The following CBFA2T3 variants were observed in gnomAD, a reference collection of about 807,000 sequenced individuals.
The protein encoded by CBFA2T3 is transcriptional corepressor CBFA2T3.
A neutral mutation model predicts 58.6 loss-of-function variants in CBFA2T3; 31 were observed. That is an observed-to-expected ratio of 0.53 (90% CI 0.40 to 0.71). The LOEUF (loss-of-function observed/expected upper bound fraction) is 0.71. CBFA2T3 is among the 30% of genes least tolerant of loss of function. The pLI is 0.00. For synonymous variants in CBFA2T3, 531 were observed against 421.9 expected (o/e 1.26, Z -3.17); for missense variants, 1,076 against 963.1 (o/e 1.12, Z -1.55).
chr16:88,922,758 C>T (rs915768227), intron 1 of CBFA2T3, among the ~76,000 whole-genome samples: 8 of 152,254 alleles, frequency 5.3e-5, no homozygotes, highest in Non-Finnish European at 7.3e-5. Context: ...ATCCCGACCT[C>T]GGAGACGGTG....
intron 1 of CBFA2T3, among the ~76,000 whole-genome samples, chr16:88,923,586 G>A (rs953942520): frequency 7.2e-5 from 11 of 152,182 alleles, no homozygotes; most frequent in Non-Finnish European, 1.5e-4. Context: ...GGCAGCTGGG[G>A]AGCAGCTGGG....
intron 1 of CBFA2T3, among the ~76,000 whole-genome samples, chr16:88,963,206 T>C (rs1972411144): frequency 7.9e-6 from 1 of 126,694 alleles, no homozygotes; most frequent in Non-Finnish European, 1.7e-5. Context: ...GTAAGGAGTT[T>C]CTACCAAAGT....
intron 1 of CBFA2T3, among the ~76,000 whole-genome samples, chr16:88,915,465 G>A (rs1245744152): frequency 1.2e-4 from 1 of 8,318 alleles, no homozygotes; most frequent in South Asian, 2.9e-3. Context: ...AGGGGAGAGT[G>A]GAGGGGGCAG....
Position 88,942,545 on chromosome 16 carries a change from A to C in CBFA2T3, c.151+34112T>G, listed in dbSNP as rs545945476. Among the ~76,000 whole-genome samples, 265 of 151,534 alleles carry C rather than the reference A, an allele frequency of 1.7e-3. 2 individuals carry two copies. The highest frequency in any genetic ancestry group is 5.8e-3 in the African/African-American group (238 of 41,254). ...TCGTCCCTCTCATGGACTTGGCTCTACCCACCTGAGCTGGCAGAGGAAGGG... is the reference window on the plus strand; with the variant it reads ...TCGTCCCTCTCATGGACTTGGCTCTCCCCACCTGAGCTGGCAGAGGAAGGG... On this transcript the variant is annotated intron_variant, in intron 1 of 11. Transcript: ENST00000268679.
At chr16:88,955,918 CA>C (rs1972207084) in intron 1 of CBFA2T3, among the ~76,000 whole-genome samples, 1 of 149,238 alleles carries the variant, frequency 6.7e-6, no homozygotes, top group African/African-American at 2.5e-5. Context: ...CTCCTGACCC[CA>C]GCCAAGGCTC....
intron 1 of CBFA2T3, among the ~76,000 whole-genome samples, chr16:88,936,532 C>T (rs1330239405): frequency 1.3e-5 from 2 of 152,160 alleles, no homozygotes; most frequent in African/African-American, 2.4e-5. Context: ...CGACCTCAGC[C>T]TCAGGGGCAG....
chr16:88,946,282 C>T (rs1445020403), intron 1 of CBFA2T3, among the ~76,000 whole-genome samples: 2 of 151,578 alleles, frequency 1.3e-5, no homozygotes, highest in South Asian at 2.1e-4. Flanking sequence ...CACTGCACTC[C>T]ACCCTGGGCA....
chr16:88,917,324 C>T (rs1442816522), intron 1 of CBFA2T3, among the ~76,000 whole-genome samples: 5 of 152,100 alleles, frequency 3.3e-5, no homozygotes, highest in African/African-American at 9.7e-5. Flanking sequence ...GAACTGGCAC[C>T]GTGGGAGAAA....
intron 1 of CBFA2T3, among the ~76,000 whole-genome samples, chr16:88,924,857 T>C (rs1435167699): frequency 2.0e-5 from 3 of 152,188 alleles, no homozygotes; most frequent in Non-Finnish European, 2.9e-5. Context: ...TTCGGGCTGA[T>C]GGAGGCCGCT....
intron 2 of CBFA2T3, among the ~76,000 whole-genome samples, chr16:88,900,099 G>A (rs1198769183): frequency 6.6e-6 from 1 of 152,176 alleles, no homozygotes; most frequent in Non-Finnish European, 1.5e-5. Context: ...CGCTGGGCCC[G>A]CCGTCCCCCA....
chr16:88,893,832 C>A (rs1234076653), intron 3 of CBFA2T3, among the ~76,000 whole-genome samples: 1 of 152,176 alleles, frequency 6.6e-6, no homozygotes, highest in Non-Finnish European at 1.5e-5. Flanking sequence ...GCCAGCGCAC[C>A]CCTCCTGCGC....
chr16:88,929,999 T>C (rs944464141), intron 1 of CBFA2T3, among the ~76,000 whole-genome samples: 1 of 145,104 alleles, frequency 6.9e-6, no homozygotes, highest in Non-Finnish European at 1.5e-5. Flanking sequence ...ACGCAAAAGC[T>C]ACCAATACCC....
chr16:88,913,924 C>CTCCTGGGCACAGAACCTGCAGAAT lies in CBFA2T3; in HGVS notation c.152-12269_152-12268insATTCTGCAGGTTCTGTGCCCAGGA, dbSNP rs1320629523. ...CACAGCTGCTGGAATAGCCGGCTCA[C>CTCCTGGGCACAGAACCTGCAGAAT]TCCTGGGCACAGAACCTGCAGAAGA... On this transcript the variant is annotated intron_variant, in intron 1 of 11. Transcript: ENST00000268679. 9.2e-5 allele frequency among the ~76,000 whole-genome samples: 14 copies of CTCCTGGGCACAGAACCTGCAGAAT among 152,242 alleles called. 1 individual carries two copies. In the East Asian group the frequency reaches 1.2e-3, roughly 13 times the overall value.
Position 88,916,624 on chromosome 16 carries a change from C to T in CBFA2T3, c.152-14968G>A, listed in dbSNP as rs563112248. The stretch of plus-strand genomic sequence containing the variant: ...AGAGCTTCTCTGGAAGGAAGAAGGG[C>T]GGCCCCTGGGGAGAGGTGGGTGGGC... On this transcript the variant is annotated intron_variant, in intron 1 of 11. Coordinates refer to ENST00000268679, the MANE Select transcript of CBFA2T3 (RefSeq NM_005187.6). Among the ~76,000 whole-genome samples the T allele has an allele frequency of 1.9e-3, 126 of 66,832 alleles. 2 individuals are homozygous for T. The South Asian group carries it at 0.031, about 16-fold the overall frequency. 43.8% of individuals were successfully genotyped at this position (66,832 alleles called of 152,430 possible).
chr16:88,897,314 C>A (rs992127674), intron 3 of CBFA2T3, among the ~76,000 whole-genome samples: 2 of 152,244 alleles, frequency 1.3e-5, no homozygotes, highest in Admixed American at 1.3e-4. Context: ...TGTTCTGCTG[C>A]CCTCGTTCTT....
chr16:88,928,973 A>G (rs566199654), intron 1 of CBFA2T3, among the ~76,000 whole-genome samples: 109 of 152,256 alleles, frequency 7.2e-4, no homozygotes, highest in African/African-American at 2.5e-3. Context: ...TGGGTGGTGG[A>G]AGGGAGGGGA....
chr16:88,905,793 A>G (rs567051659), intron 1 of CBFA2T3, among the ~76,000 whole-genome samples: 2 of 143,882 alleles, frequency 1.4e-5, no homozygotes, highest in Non-Finnish European at 1.5e-5. Context: ...GCTGAGAGCT[A>G]GTCTGCGGCA....
rs113553068 is a variant in CBFA2T3 at position 88,913,112 on chromosome 16, C to T, written c.152-11456G>A. On this transcript the variant is annotated intron_variant, in intron 1 of 11. Coordinates refer to ENST00000268679, the MANE Select transcript of CBFA2T3 (RefSeq NM_005187.6). ...CCCTGCCCCCTGGATCTGGGCTGGCCGGGGGACTTGCTTTGGCTGGGGGCA... is the reference window on the plus strand; with the variant it reads ...CCCTGCCCCCTGGATCTGGGCTGGCTGGGGGACTTGCTTTGGCTGGGGGCA... Among the ~76,000 whole-genome samples, 972 of 152,330 alleles carry T rather than the reference C, an allele frequency of 6.4e-3. 13 individuals carry two copies. The highest frequency in any genetic ancestry group is 0.022 in the African/African-American group (926 of 41,572).
At chr16:88,900,703 C>T (rs1057253568) in intron 2 of CBFA2T3, among the ~76,000 whole-genome samples, 5 of 152,190 alleles carry the variant, frequency 3.3e-5, no homozygotes, top group East Asian at 1.9e-4. Context: ...CACTCCTGAG[C>T]CCCCAGCCTT....
Sources: allele counts gnomAD v4.1 joint callset (sites outside exome capture counted in the v4.1 genomes callset), GRCh38; gene constraint gnomAD v4.1.1; transcripts MANE v1.5; gene names NCBI Gene and HGNC (gene_info 2026-07-23, HGNC 2026-07-21).